TUSC3: variants seen among roughly 807,000 people sequenced by gnomAD.
TUSC3 encodes dolichyl-diphosphooligosaccharide--protein glycosyltransferase subunit TUSC3.
A neutral mutation model predicts 44.8 loss-of-function variants in TUSC3; 45 were observed. That is an observed-to-expected ratio of 1.00 (90% CI 0.79 to 1.29). The LOEUF is 1.29. Among genes scored for constraint, TUSC3 ranks in the 50% most tolerant of loss-of-function variants. The pLI is 0.00. For synonymous variants in TUSC3, 212 were observed against 152.9 expected, an observed-to-expected ratio of 1.39 and a Z score of -2.85; for missense variants, 519 against 437.9, an observed-to-expected ratio of 1.19 and a Z score of -1.65.
At chr8:15,806,499 C>G in the TUSC3 span, 7 of 1,076,304 alleles carry the variant, frequency 6.5e-6, no homozygotes, top group African/African-American at 4.6e-5. Context: ...TCATTGTAAA[C>G]TTTCTCAGGG....
At chr8:15,434,084 G>T (rs1051311350) in intron 1 of TUSC3, among the ~76,000 whole-genome samples, 6 of 152,158 alleles carry the variant, frequency 3.9e-5, no homozygotes, top group African/African-American at 1.4e-4. Context: ...AGCAACGTGA[G>T]AGAATTCCAT....
chr8:15,751,556 G>A (rs536921252), intron 9 of TUSC3, among the ~76,000 whole-genome samples: 3 of 152,210 alleles, frequency 2.0e-5, no homozygotes, highest in East Asian at 1.9e-4. Flanking sequence ...GTATAGGGGC[G>A]TCTGATTTAA....
the TUSC3 span, among the ~76,000 whole-genome samples, chr8:15,778,232 C>G: frequency 2.6e-5 from 4 of 152,122 alleles, no homozygotes; most frequent in Admixed American, 6.5e-5. Flanking sequence ...ACCTGATTTA[C>G]TACACTTATT....
intron 1 of TUSC3, among the ~76,000 whole-genome samples, chr8:15,461,563 G>A (rs1026089477): frequency 2.0e-5 from 3 of 151,858 alleles, no homozygotes; most frequent in South Asian, 2.1e-4. Flanking sequence ...AGGACTTCCA[G>A]TACTATATTA....
intron 6 of TUSC3, among the ~76,000 whole-genome samples, chr8:15,710,758 C>A (rs1809808803): frequency 6.7e-6 from 1 of 150,350 alleles, no homozygotes; most frequent in African/African-American, 2.4e-5. Flanking sequence ...CATAAATGTG[C>A]AGCTTAGTAA....
chr8:15,713,970 A>G (rs1809963045), intron 6 of TUSC3, among the ~76,000 whole-genome samples: 1 of 152,162 alleles, frequency 6.6e-6, no homozygotes, highest in Admixed American at 6.6e-5. Context: ...AGCAAATACC[A>G]CTTGCTTGTT....
intron 1 of TUSC3, among the ~76,000 whole-genome samples, chr8:15,432,891 G>A (rs1482672667): frequency 3.3e-5 from 5 of 152,144 alleles, no homozygotes; most frequent in Non-Finnish European, 1.5e-5. Flanking sequence ...TAAAACCCCG[G>A]TAGGTTAGCC....
chr8:15,767,385 A>G (rs888460455), downstream of TUSC3, among the ~76,000 whole-genome samples: 3 of 152,072 alleles, frequency 2.0e-5, no homozygotes, highest in African/African-American at 7.2e-5. Context: ...GATGTCAGGA[A>G]AAATGACAGC....
chr8:15,496,354 C>T (rs1800879816), intron 2 of TUSC3, among the ~76,000 whole-genome samples: 1 of 152,176 alleles, frequency 6.6e-6, no homozygotes, highest in South Asian at 2.1e-4. Flanking sequence ...CTCTAGGGGC[C>T]ATCCTAACTG....
chr8:15,631,370 G>GTAGC (rs1388038703), intron 2 of TUSC3, among the ~76,000 whole-genome samples: 5 of 152,030 alleles, frequency 3.3e-5, no homozygotes, highest in African/African-American at 1.2e-4. Context: ...ATGTGACATT[G>GTAGC]TAGCATTCCT....
the TUSC3 span, among the ~76,000 whole-genome samples, chr8:15,804,337 G>A: frequency 6.6e-6 from 1 of 152,112 alleles, no homozygotes; most frequent in Non-Finnish European, 1.5e-5. Flanking sequence ...CTTTAATTAT[G>A]TCCTACTTGT....
chr8:15,785,556 T>C, the TUSC3 span, among the ~76,000 whole-genome samples: 1 of 150,708 alleles, frequency 6.6e-6, no homozygotes, highest in African/African-American at 2.4e-5. Flanking sequence ...CAGGGGGGAG[T>C]TGGGGGACGT....
At chr8:15,447,707 T>TA (rs1388869728) in intron 1 of TUSC3, among the ~76,000 whole-genome samples, 3 of 151,622 alleles carry the variant, frequency 2.0e-5, no homozygotes, top group Non-Finnish European at 4.4e-5. Flanking sequence ...TTTTTTTTTT[T>TA]ACTTACTTTT....
intron 2 of TUSC3, among the ~76,000 whole-genome samples, chr8:15,625,310 A>G (rs1327451891): frequency 6.6e-6 from 1 of 151,998 alleles, no homozygotes. Context: ...TTTATTGTTT[A>G]TAGTGTCTTT....
At chr8:15,518,963 A>C (rs1801257489) in intron 2 of TUSC3, among the ~76,000 whole-genome samples, 1 of 152,182 alleles carries the variant, frequency 6.6e-6, no homozygotes. Context: ...TCTAAACTAA[A>C]ATCGAATCAA....
intron 1 of TUSC3, among the ~76,000 whole-genome samples, chr8:15,564,220 G>A (rs916009009): frequency 3.3e-5 from 5 of 151,976 alleles, no homozygotes; most frequent in African/African-American, 7.3e-5. Context: ...TTTTCAAATC[G>A]AGGTTATTAA....
intron 1 of TUSC3, among the ~76,000 whole-genome samples, chr8:15,620,099 A>G (rs1323051844): frequency 6.6e-6 from 1 of 152,146 alleles, no homozygotes; most frequent in African/African-American, 2.4e-5. Flanking sequence ...ATAAGATACC[A>G]TTGTCGATTA....
At chr8:15,589,940 C>G (rs1365641044) in intron 1 of TUSC3, among the ~76,000 whole-genome samples, 1 of 152,156 alleles carries the variant, frequency 6.6e-6, no homozygotes, top group Non-Finnish European at 1.5e-5. Flanking sequence ...TTCAGCTTAA[C>G]TTAATGTAGA....
chr8:15,772,261 G>A, the TUSC3 span, among the ~76,000 whole-genome samples: 1 of 152,060 alleles, frequency 6.6e-6, no homozygotes, highest in Admixed American at 6.6e-5. Flanking sequence ...ACCGAAAGTT[G>A]GTTCTTTGAA....
Sources: gnomAD v4.1 joint callset for allele counts (sites outside exome capture counted in the v4.1 genomes callset) on GRCh38, gnomAD v4.1.1 for gene constraint, MANE v1.5 for transcripts, NCBI Gene and HGNC (gene_info 2026-07-23, HGNC 2026-07-21) for gene names.